The following AFF3 variants were observed in gnomAD, a reference collection of about 807,000 sequenced individuals.
AFF3 encodes the protein AF4/FMR2 family member 3.
A neutral mutation model predicts 129.7 loss-of-function variants in AFF3; 32 were observed. The observed-to-expected ratio is 0.25, with a 90% CI of 0.19 to 0.33. The LOEUF is 0.33. Among genes scored for constraint, AFF3 ranks in the 10% least tolerant of loss-of-function variants. AFF3 has a pLI of 1.00. For synonymous variants in AFF3, 644 were observed against 635.4 expected, an observed-to-expected ratio of 1.01 and a Z score of -0.20; for missense variants, 1,373 against 1,592.0, an observed-to-expected ratio of 0.86 and a Z score of 2.34.
intron 4 of AFF3, among the ~76,000 whole-genome samples, chr2:100,065,517 T>A (rs1322278334): frequency 6.6e-6 from 1 of 152,216 alleles, no homozygotes; most frequent in Non-Finnish European, 1.5e-5. Context: ...GCTGTTACCC[T>A]TTTACAACAT....
intron 10 of AFF3, among the ~76,000 whole-genome samples, chr2:99,728,865 G>C (rs188620363): frequency 6.6e-6 from 1 of 152,326 alleles, no homozygotes; most frequent in East Asian, 1.9e-4. Flanking sequence ...GGCAAGGTCT[G>C]TGGTGCACTC....
At chr2:99,569,087 A>G (rs1328707153) in intron 18 of AFF3, among the ~76,000 whole-genome samples, 172 bp from the exon 19 acceptor site, 1 of 152,212 alleles carries the variant, frequency 6.6e-6, no homozygotes, top group African/African-American at 2.4e-5. Context: ...ATACCACAAT[A>G]CATTTTCTCT....
chr2:99,565,664 T>C (rs763074039), intron 19 of AFF3, 41 bp from the exon 20 acceptor site: 1 of 1,582,190 alleles, frequency 6.3e-7, no homozygotes, highest in African/African-American at 1.3e-5. Flanking sequence ...TAAACAATAG[T>C]TTTTTTTAAA....
chr2:99,985,363 T>C (rs1361543390), intron 7 of AFF3, among the ~76,000 whole-genome samples: 1 of 152,204 alleles, frequency 6.6e-6, no homozygotes, highest in Non-Finnish European at 1.5e-5. Context: ...ATAATGAAAA[T>C]GTGCTACCCA....
chr2:99,823,976 C>G (rs367795834), intron 8 of AFF3, among the ~76,000 whole-genome samples: 3 of 152,062 alleles, frequency 2.0e-5, no homozygotes, highest in Non-Finnish European at 4.4e-5. Context: ...AACCACCGAT[C>G]GGATATACCC....
At chr2:100,126,502 A>C (rs1469313851) in intron 2 of AFF3, among the ~76,000 whole-genome samples, 2 of 152,078 alleles carry the variant, frequency 1.3e-5, no homozygotes, top group African/African-American at 4.8e-5. Context: ...AGCTGAATTA[A>C]CTCTTCCAAC....
chr2:100,038,373 T>TAAA (rs11397703), intron 4 of AFF3, among the ~76,000 whole-genome samples: 1 of 143,278 alleles, frequency 7.0e-6, no homozygotes. Context: ...TTCCTCAAAT[T>TAAA]AAAAAAAAAA....
chr2:100,073,853 T>C (rs1310499657), intron 4 of AFF3, among the ~76,000 whole-genome samples: 3 of 152,212 alleles, frequency 2.0e-5, no homozygotes, highest in Non-Finnish European at 4.4e-5. Flanking sequence ...AGGAACCTAA[T>C]GTGCAAAATG....
At chr2:100,032,732 T>C (rs1684604205) in intron 4 of AFF3, among the ~76,000 whole-genome samples, 1 of 152,186 alleles carries the variant, frequency 6.6e-6, no homozygotes. Flanking sequence ...AGTTATGTCT[T>C]CATATATGCT....
At chr2:100,026,982 A>G (rs1684105090) in intron 4 of AFF3, among the ~76,000 whole-genome samples, 1 of 152,020 alleles carries the variant, frequency 6.6e-6, no homozygotes, top group African/African-American at 2.4e-5. Flanking sequence ...GGTACTGTGT[A>G]TACTGCTCAG....
At chr2:99,610,468 C>G (rs147631919) in intron 13 of AFF3, among the ~76,000 whole-genome samples, 29 of 152,258 alleles carry the variant, frequency 1.9e-4, no homozygotes, top group African/African-American at 7.0e-4. Flanking sequence ...TCAGTCGACA[C>G]AATGTCATGA....
At chr2:99,650,716 C>A (rs1302797466) in intron 12 of AFF3, among the ~76,000 whole-genome samples, 1 of 151,872 alleles carries the variant, frequency 6.6e-6, no homozygotes, top group Non-Finnish European at 1.5e-5. Flanking sequence ...GGCCATTTCC[C>A]TACATGAAAT....
Position 99,628,723 on chromosome 2 carries a change from A to ATTTTTTTTTTTT in AFF3, c.1184+20891_1184+20902dup, listed in dbSNP as rs3073407. On this transcript the variant is annotated intron_variant, in intron 13 of 24. Transcript: ENST00000672756. ...AGGCACGTGCCACCATGCTTGACTGATTTTTTTTTTTTTTTGAGACAGAGT... is the reference window on the plus strand; with the variant it reads ...AGGCACGTGCCACCATGCTTGACTGATTTTTTTTTTTTTTTTTTTTTTTTTTTGAGACAGAGT... 4.8e-4 allele frequency among the ~76,000 whole-genome samples: 44 copies of ATTTTTTTTTTTT among 92,390 alleles called. 6 individuals are homozygous for ATTTTTTTTTTTT. Among genetic ancestry groups the ATTTTTTTTTTTT allele is most frequent in the African/African-American group, 1.8e-3 (39 of 21,308 alleles). 60.6% of individuals were successfully genotyped at this position (92,390 alleles called of 152,430 possible).
intron 7 of AFF3, among the ~76,000 whole-genome samples, chr2:99,932,289 T>C (rs1674086361): frequency 6.6e-6 from 1 of 152,212 alleles, no homozygotes; most frequent in Non-Finnish European, 1.5e-5. Context: ...TCTTCCAATG[T>C]GGCCCAGGGA....
chr2:99,900,053 C>A (rs1694236877), intron 7 of AFF3, among the ~76,000 whole-genome samples: 1 of 152,136 alleles, frequency 6.6e-6, no homozygotes, highest in South Asian at 2.1e-4. Context: ...GGAGAGCTCA[C>A]AACATCGTGG....
chr2:99,575,291 C>T (rs947973840), intron 18 of AFF3, among the ~76,000 whole-genome samples: 2 of 152,068 alleles, frequency 1.3e-5, no homozygotes, highest in African/African-American at 4.8e-5. Context: ...TGGAGTTTCA[C>T]TCTTGTTGCC....
intron 8 of AFF3, among the ~76,000 whole-genome samples, chr2:99,784,905 G>A (rs1027855546): frequency 1.1e-4 from 17 of 152,174 alleles, no homozygotes; most frequent in African/African-American, 3.4e-4. Context: ...AGGAGGTTGT[G>A]TTCAGCTTCC....
chr2:99,996,521 C>G (rs1436857823), intron 7 of AFF3, among the ~76,000 whole-genome samples: 1 of 147,204 alleles, frequency 6.8e-6, no homozygotes, highest in South Asian at 2.1e-4. Context: ...CCACCACGCC[C>G]GGCTAATTTT....
At chr2:100,092,846 T>C (rs373213074) in intron 4 of AFF3, among the ~76,000 whole-genome samples, 1 of 151,578 alleles carries the variant, frequency 6.6e-6, no homozygotes, top group Non-Finnish European at 1.5e-5. Flanking sequence ...CCCCCGTACA[T>C]ACTCCACAGG....
Sources: gnomAD v4.1 joint callset for allele counts (sites outside exome capture counted in the v4.1 genomes callset) on GRCh38, gnomAD v4.1.1 for gene constraint, MANE v1.5 for transcripts, NCBI Gene and HGNC (gene_info 2026-07-23, HGNC 2026-07-21) for gene names.